Variants in ATXN7L2 observed in about 807,000 individuals in gnomAD.
ATXN7L2 encodes the protein ataxin 7 like 2, also known as ataxin-7-like protein 2.
Under a neutral mutation model 59.6 loss-of-function variants are expected in ATXN7L2, and 17 were observed. The ratio of observed to expected loss-of-function variants is 0.29; its 90% CI spans 0.20 to 0.43. ATXN7L2 has a LOEUF of 0.43. Among genes scored for constraint, ATXN7L2 ranks in the 20% least tolerant of loss-of-function variants. ATXN7L2 has a pLI of 1.00. For synonymous variants in ATXN7L2, 378 were observed against 392.5 expected (o/e 0.96, Z 0.44); for missense variants, 858 against 1,008.9 (o/e 0.85, Z 2.03).
chr1:109,484,216 G>A (rs903967468), intron 1 of ATXN7L2, 136 bp downstream of exon 1: 34 of 946,010 alleles, frequency 3.6e-5, no homozygotes, highest in Admixed American at 4.5e-5. Context: ...AGGACCCGCC[G>A]GGTCCTAGTG....
Position 109,489,948 on chromosome 1 carries a change from G to A in ATXN7L2, c.1152G>A (p.Glu384=). Residue 384 remains glutamate (E), a synonymous_variant, in exon 8 of 11, where the codon GAG becomes GAA. Transcript: ENST00000683729. ...CALPRSRASS[E]SELDDEGPCG... is the part of the protein sequence containing the mutation. ...CTTCCAGGTCCCGGGCCTCCTCCGA[G>A]AGTGAATTGGATGATGAAGGCCCCT... is the stretch of plus-strand genomic sequence containing the variant. 12 of 1,613,702 alleles carry A rather than the reference G, an allele frequency of 7.4e-6. No individual in the cohort carries two copies. The highest frequency in any genetic ancestry group is 9.3e-6 in the Non-Finnish European group (11 of 1,179,994).
At position 109,485,961 on chromosome 1, in the gene ATXN7L2, CT is replaced by C. The variant is rs536061722; in HGVS notation, c.128-95del. ...GGGGCTTCTGGAAAGGGGACAACCT[CT>C]GGGTTGTCTTCTGGGAAGAACAGTC... On this transcript the variant is annotated intron_variant, in intron 1 of 10. Coordinates refer to ENST00000683729, the MANE Select transcript of ATXN7L2 (RefSeq NM_001350175.2). 294 of 1,412,250 alleles carry C rather than the reference CT, an allele frequency of 2.1e-4. 1 individual carries two copies. In the African/African-American group the frequency reaches 3.9e-3, roughly 19 times the overall value. 87.5% of individuals were successfully genotyped at this position (1,412,250 alleles called of 1,614,324 possible).
In ATXN7L2 at chr1:109,492,625, C is replaced by T. The variant is rs374264847; in HGVS notation, c.*25C>T. ...ACGAGAAAGTGCCTGCCCACTGCAA[C>T]GGAGCCGCCAGCACCTCCTCCCCTC... On this transcript the variant is annotated 3_prime_UTR_variant, in exon 11 of 11. Coordinates refer to ENST00000683729, the MANE Select transcript of ATXN7L2 (RefSeq NM_001350175.2). The T allele has an allele frequency of 2.2e-5, 35 of 1,612,794 alleles. No homozygotes were observed. Among genetic ancestry groups the T allele is most frequent in the African/African-American group, 2.7e-5 (2 of 74,874 alleles).
intron 10 of ATXN7L2, 41 bp from the exon 11 acceptor site, chr1:109,492,545 C>A (rs1331056385): frequency 1.2e-6 from 2 of 1,613,472 alleles, no homozygotes; most frequent in South Asian, 1.1e-5. Context: ...GCTGGTAGGC[C>A]CCCACCCTGA....
At chr1:109,485,357 G>C (rs887682854) in intron 1 of ATXN7L2, 1 of 985,414 alleles carries the variant, frequency 1.0e-6, no homozygotes. Flanking sequence ...GGCAACCCCT[G>C]CCCAAAGGCC....
Position 109,491,379 on chromosome 1 carries a change from A to T in ATXN7L2, c.1912A>T (p.Lys638Ter). The change falls in exon 10 of 11, where the codon AAA becomes TAA. Residue 638 changes from lysine (K) to a stop codon, truncating the protein, a stop_gained. Transcript: ENST00000683729. LOFTEE classifies it high-confidence loss of function. This position sits in a 1 kb window ranked among gnomAD's most constrained non-coding sequence, Gnocchi z 4.1. ...CTGTAGGGGCCTCTCGGCCAAAACTAAAACAGCCCTGAGCATGGGGCTTAA... is the reference window on the plus strand; with the variant it reads ...CTGTAGGGGCCTCTCGGCCAAAACTTAAACAGCCCTGAGCATGGGGCTTAA... The part of the protein sequence containing the change: ...SGCRGLSAKT[K>*]TALSMGLNGT... 1 of 1,614,250 alleles carries T rather than the reference A, an allele frequency of 6.2e-7. No individual in the cohort carries two copies. The highest frequency in any genetic ancestry group is 8.5e-7 in the Non-Finnish European group (1 of 1,180,036).
rs1416330394 is a variant in ATXN7L2, at chr1:109,486,073, G to C, written c.144G>C (p.Glu48Asp). Residue 48 changes from glutamate to aspartate, a missense_variant, in exon 2 of 11, where the codon GAG (glutamate) becomes GAC (aspartate). This residue lies in a region of ATXN7L2 where 95 missense variants were observed against 82.6 expected (regional missense o/e 1.15). Coordinates refer to ENST00000683729, the MANE Select transcript of ATXN7L2 (RefSeq NM_001350175.2). This position sits in a 1 kb window ranked among gnomAD's most constrained non-coding sequence, Gnocchi z 4.3. ...LPAADGAELE[E>D]SSKNTKKLDA... ...CTCCTCTAGGGGCTGAGCTGGAGGA[G>C]AGTAGCAAAAACACGAAGAAGTTGG... The C allele has an allele frequency of 6.3e-7, 1 of 1,598,676 alleles. No homozygotes were observed. Among genetic ancestry groups the C allele is most frequent in the South Asian group, 1.1e-5 (1 of 88,602 alleles).
intron 10 of ATXN7L2, chr1:109,492,217 C>A: frequency 1.5e-6 from 1 of 683,640 alleles, no homozygotes; most frequent in Non-Finnish European, 1.9e-6. Context: ...GTGCAGGTGA[C>A]AGGCAAGTTC....
intron 1 of ATXN7L2, among the ~76,000 whole-genome samples, 200 bp downstream of exon 1, chr1:109,484,280 C>T (rs543141158): frequency 1.3e-5 from 2 of 152,056 alleles, no homozygotes; most frequent in African/African-American, 2.4e-5. Flanking sequence ...GCTCACCGCT[C>T]GCAGCCCACC....
rs904909444 is a variant in ATXN7L2 at position 109,485,749 on chromosome 1, G to C, written c.128-308G>C. 3 of 1,067,512 alleles carry C rather than the reference G, an allele frequency of 2.8e-6. No individual in the cohort carries two copies. In the African/African-American group the frequency reaches 5.0e-5, roughly 18 times the overall value. 66.1% of individuals were successfully genotyped at this position (1,067,512 alleles called of 1,614,324 possible). A position where few individuals can be genotyped will look rare whatever the true frequency, so the allele number is the denominator to read the frequency against. On this transcript the variant is annotated intron_variant, in intron 1 of 10. Transcript: ENST00000683729. ...GCAGTGGAACCCTAAACTGCACCTT[G>C]AAGTGAAGGGTCCCATAAGAAAGGT...
chr1:109,488,562 C>G lies in ATXN7L2; in HGVS notation c.879+97C>G. The stretch of plus-strand genomic sequence containing the variant: ...AGGAATGTCGATGTTACTGAAGGTC[C>G]AGCTTAAGGGAGGGCAGTTAGGCCC... On this transcript the variant is annotated intron_variant, in intron 6 of 10. Coordinates refer to ENST00000683729, the MANE Select transcript of ATXN7L2 (RefSeq NM_001350175.2). The surrounding 1 kb of genome is among the most constrained non-coding windows in gnomAD (Gnocchi z 5.0). 1 of 1,382,782 alleles carries G rather than the reference C, an allele frequency of 7.2e-7. No individual in the cohort carries two copies. The highest frequency in any genetic ancestry group is 1.0e-6 in the Non-Finnish European group (1 of 999,604). 85.7% of individuals were successfully genotyped at this position (1,382,782 alleles called of 1,614,324 possible).
chr1:109,490,349 C>T lies in ATXN7L2; in HGVS notation c.1411C>T (p.Leu471Phe), dbSNP rs758231224. The T allele has an allele frequency of 1.9e-6, 3 of 1,613,870 alleles. No homozygotes were observed. Among genetic ancestry groups the T allele is most frequent in the Non-Finnish European group, 2.5e-6 (3 of 1,180,026 alleles). The change falls in exon 9 of 11, where the codon CTC becomes TTC. Residue 471 changes from leucine to phenylalanine, a missense_variant. Physicochemically the swap from Leu to Phe is conservative, Grantham distance 22. This residue lies in a region of ATXN7L2 where 734 missense variants were observed against 862.3 expected (regional missense o/e 0.85). Transcript: ENST00000683729. ...CCGGCTGGACCGGTTCTGCTCAGCACTCAGCTCCATGCTGGAACGGCACCT... is the reference window on the plus strand; with the variant it reads ...CCGGCTGGACCGGTTCTGCTCAGCATTCAGCTCCATGCTGGAACGGCACCT... ...SRRLDRFCSA[L>F]SSMLERHLST...
chr1:109,490,873 A>AGCTGTCTT (rs1410605442), intron 9 of ATXN7L2, 49 bp from the exon 10 acceptor site: 1 of 1,515,922 alleles, frequency 6.6e-7, no homozygotes, highest in East Asian at 2.3e-5. Context: ...TGTTGGGGGA[A>AGCTGTCTT]GCTGTCTTGT....
chr1:109,484,736 C>T (rs1239008749), intron 1 of ATXN7L2, among the ~76,000 whole-genome samples: 1 of 152,214 alleles, frequency 6.6e-6, no homozygotes, highest in Non-Finnish European at 1.5e-5. Context: ...CCTACAGCCC[C>T]TTCTTCTGAT....
At chr1:109,490,438 T>C (rs1471042524) in intron 9 of ATXN7L2, 46 bp downstream of exon 9, 1 of 1,600,034 alleles carries the variant, frequency 6.2e-7, no homozygotes, top group African/African-American at 1.3e-5. Flanking sequence ...TGGAAATTCC[T>C]AGGTTCCAGA....
intron 10 of ATXN7L2, chr1:109,492,220 G>T (rs1321723113): frequency 1.5e-6 from 1 of 685,608 alleles, no homozygotes; most frequent in Non-Finnish European, 1.9e-6. Context: ...CAGGTGACAG[G>T]CAAGTTCTCC....
chr1:109,484,718 T>C (rs748640000), intron 1 of ATXN7L2, among the ~76,000 whole-genome samples: 42 of 152,170 alleles, frequency 2.8e-4, no homozygotes, highest in Non-Finnish European at 5.6e-4. Context: ...AGTGCCTTAG[T>C]GAGCGGGCCT....
Position 109,487,178 on chromosome 1 carries a change from G to T in ATXN7L2, c.470G>T (p.Gly157Val), listed in dbSNP as rs371721090. ...REKGQGSRSR[G>V]HQPPEKTQKD... ...AAGGGCCAGGGGTCCCGGAGCCGTG[G>T]CCACCAGCCTCCTGAGAAGACCCAG... Residue 157 changes from glycine (G) to valine (V), a missense_variant, in exon 4 of 11, where the codon GGC (glycine) becomes GTC (valine). This residue lies in a region of ATXN7L2 where 734 missense variants were observed against 862.3 expected (regional missense o/e 0.85). Transcript: ENST00000683729. The T allele has an allele frequency of 6.3e-7, 1 of 1,592,018 alleles. No individual in the cohort carries two copies. The highest frequency in any genetic ancestry group is 1.3e-5 in the African/African-American group (1 of 74,490).
Position 109,492,712 on chromosome 1 carries a change from AAAAG to A in ATXN7L2, c.*113_*116del. The A allele has an allele frequency of 2.2e-6, 3 of 1,338,748 alleles. No homozygotes were observed. The highest frequency in any genetic ancestry group is 3.1e-6 in the Non-Finnish European group (3 of 969,460). 82.9% of individuals were successfully genotyped at this position (1,338,748 alleles called of 1,614,324 possible). A position where few individuals can be genotyped will look rare whatever the true frequency, so the allele number is the denominator to read the frequency against. On this transcript the variant is annotated 3_prime_UTR_variant, in exon 11 of 11. Coordinates refer to ENST00000683729, the MANE Select transcript of ATXN7L2 (RefSeq NM_001350175.2). The stretch of plus-strand genomic sequence containing the variant: ...CTTTATATTATTTTTTTTTAAGAAA[AAAAG>A]CTCTTTAAAATACCTCAAGACTGTC...
Sources: allele counts gnomAD v4.1 joint callset (sites outside exome capture counted in the v4.1 genomes callset), GRCh38; gene constraint gnomAD v4.1.1; regional missense constraint gnomAD v4.1.1; non-coding constraint Gnocchi (gnomAD v3.1); transcripts MANE v1.5; gene names NCBI Gene and HGNC (gene_info 2026-07-23, HGNC 2026-07-21).